Variants in RGS22 observed in about 807,000 individuals in gnomAD.
RGS22 encodes the protein regulator of G-protein signaling 22.
A neutral mutation model predicts 172.9 loss-of-function variants in RGS22; 148 were observed. That is an observed-to-expected ratio of 0.86 (90% CI 0.75 to 0.98). The LOEUF (loss-of-function observed/expected upper bound fraction) is 0.98, where lower values mean the gene tolerates loss of function less well. RGS22 is among the 50% of genes least tolerant of loss of function. The pLI, the probability that RGS22 is intolerant of heterozygous loss-of-function variation, is 0.00. For synonymous variants in RGS22, 458 were observed against 480.2 expected, an observed-to-expected ratio of 0.95 and a Z score of 0.60; for missense variants, 1,347 against 1,440.8, an observed-to-expected ratio of 0.93 and a Z score of 1.05.
chr8:100,101,431 C>T (rs1215509291), intron 2 of RGS22, among the ~76,000 whole-genome samples: 2 of 146,556 alleles, frequency 1.4e-5, no homozygotes, highest in African/African-American at 5.1e-5. Context: ...GGACTACAGG[C>T]ATGCCCAGCT....
intron 3 of RGS22, among the ~76,000 whole-genome samples, chr8:100,089,192 C>T (rs1053154223): frequency 8.1e-5 from 12 of 148,612 alleles, no homozygotes; most frequent in African/African-American, 2.8e-4. Flanking sequence ...TAGAGATACA[C>T]GAGATACACA....
rs143314176 is a variant in RGS22, at chr8:99,998,948, G to T, written c.2949+314C>A. On this transcript the variant is annotated intron_variant, in intron 19 of 27. Coordinates refer to ENST00000360863, the MANE Select transcript of RGS22 (RefSeq NM_015668.5). ...AAGGCAGGAGGACTGCTTGAGCCTA[G>T]GAGTTTGAGACCAGCCTGGGCACAT... is the stretch of plus-strand genomic sequence containing the variant. Among the ~76,000 whole-genome samples, 1,081 of 152,236 alleles carry T rather than the reference G, an allele frequency of 7.1e-3. 12 individuals carry two copies. The highest frequency in any genetic ancestry group is 0.025 in the African/African-American group (1,032 of 41,556).
chr8:99,976,487 A>G (rs796717844), intron 23 of RGS22, among the ~76,000 whole-genome samples: 14 of 151,912 alleles, frequency 9.2e-5, no homozygotes, highest in Non-Finnish European at 1.3e-4. Context: ...TCAGCCTCCC[A>G]AGTAGCTGGG....
At chr8:99,989,905 T>TAGATATAG (rs766945162) in intron 20 of RGS22, among the ~76,000 whole-genome samples, 15 of 144,460 alleles carry the variant, frequency 1.0e-4, no homozygotes, top group Admixed American at 1.4e-4. Context: ...GATAGATAGA[T>TAGATATAG]ATAGATAGAT....
At chr8:99,977,594 C>A (rs1209957949) in intron 23 of RGS22, among the ~76,000 whole-genome samples, 1 of 151,932 alleles carries the variant, frequency 6.6e-6, no homozygotes, top group East Asian at 1.9e-4. Context: ...GATCTTAGTC[C>A]AATGAAGATG....
intron 23 of RGS22, among the ~76,000 whole-genome samples, chr8:99,976,798 AAAAG>A (rs1432083756): frequency 6.6e-6 from 1 of 152,190 alleles, no homozygotes; most frequent in Admixed American, 6.6e-5. Context: ...TCTAATGGGA[AAAAG>A]AAAAATAAGG....
intron 14 of RGS22, among the ~76,000 whole-genome samples, chr8:100,030,348 T>C (rs1818656886): frequency 6.6e-6 from 1 of 152,248 alleles, no homozygotes; most frequent in South Asian, 2.1e-4. Flanking sequence ...TGCTACACTA[T>C]ATTTTTTATC....
At chr8:100,054,815 G>A (rs1319316594) in intron 9 of RGS22, among the ~76,000 whole-genome samples, 2 of 152,106 alleles carry the variant, frequency 1.3e-5, no homozygotes, top group African/African-American at 2.4e-5. Context: ...CAACCAGTAA[G>A]GGGGCATATC....
chr8:100,087,655 C>T (rs764296354), intron 3 of RGS22, among the ~76,000 whole-genome samples: 2 of 152,120 alleles, frequency 1.3e-5, no homozygotes, highest in African/African-American at 2.4e-5. Flanking sequence ...TTCATCTCTG[C>T]TCCAACTCTG....
At chr8:100,098,942 A>C (rs531021279) in intron 2 of RGS22, among the ~76,000 whole-genome samples, 1 of 142,952 alleles carries the variant, frequency 7.0e-6, no homozygotes, top group Non-Finnish European at 1.5e-5. Flanking sequence ...TTTTTAATGA[A>C]GTCTCGCTCT....
At chr8:100,046,112 AAAAC>A (rs1318934676) in intron 11 of RGS22, 1 of 152,148 alleles carries the variant, frequency 6.6e-6, no homozygotes, top group South Asian at 2.1e-4. Flanking sequence ...TTAAAATAAA[AAAAC>A]AAGGCACAAA....
At chr8:100,045,543 G>T (rs1452709925) in intron 11 of RGS22, among the ~76,000 whole-genome samples, 2 of 151,930 alleles carry the variant, frequency 1.3e-5, no homozygotes, top group Non-Finnish European at 2.9e-5. Context: ...GTTTAGAAAG[G>T]GTAATGCATA....
rs756020163 is a variant in RGS22, at chr8:100,047,476, C to T, written c.1810G>A (p.Val604Met). Reference protein sequence around the residue: ...LLYPGSSKDDVIEKGSKYMSE... With the variant: ...LLYPGSSKDDMIEKGSKYMSE... Reference sequence around the variant, plus strand: ...AGTTGCACCTACCCTTTCTCAATCACATCATCCTTAGAAGAACCTGGATAC... The same window carrying T: ...AGTTGCACCTACCCTTTCTCAATCATATCATCCTTAGAAGAACCTGGATAC... The change falls in exon 11 of 28, where the codon GTG becomes ATG. Residue 604 changes from valine (V) to methionine (M), a missense_variant. Transcript: ENST00000360863. The T allele has an allele frequency of 6.3e-7, 1 of 1,598,556 alleles. No individual in the cohort carries two copies. The highest frequency in any genetic ancestry group is 1.3e-5 in the African/African-American group (1 of 74,228).
At chr8:100,047,339 T>C (rs1006975823) in intron 11 of RGS22, 124 bp downstream of exon 11, 80 of 816,340 alleles carry the variant, frequency 9.8e-5, no homozygotes, top group African/African-American at 1.9e-4. Context: ...ATACATATCA[T>C]TGAAAATTAA....
intron 14 of RGS22, among the ~76,000 whole-genome samples, chr8:100,031,518 T>A (rs1374551153): frequency 2.0e-5 from 3 of 152,132 alleles, no homozygotes; most frequent in Admixed American, 6.6e-5. Context: ...TCCATATAAT[T>A]CTCCTAGACT....
At position 100,103,272 on chromosome 8, in the gene RGS22, G is replaced by A. The variant is rs555455748; in HGVS notation, c.54+2102C>T. On this transcript the variant is annotated intron_variant, in intron 2 of 27. Transcript: ENST00000360863. ...GGAGTTGGCAGAAGGAATATTGGAG[G>A]CAATGGTATCAGTTAGGATTACTAC... is the stretch of plus-strand genomic sequence containing the variant. Among the ~76,000 whole-genome samples, 5 of 152,316 alleles carry A rather than the reference G, an allele frequency of 3.3e-5. No individual in the cohort carries two copies. The South Asian group carries it at 1.0e-3, about 32-fold the overall frequency.
chr8:100,078,138 C>T (rs3116090), intron 4 of RGS22, among the ~76,000 whole-genome samples: 2,007 of 152,168 alleles, frequency 0.013, 57 homozygotes, highest in East Asian at 0.1. Context: ...TTCTTGTAGA[C>T]AGCAAATAAT....
rs758619501 is a variant in RGS22, at chr8:100,003,972, G to C, written c.2581C>G (p.Leu861Val). 29 of 1,610,708 alleles carry C rather than the reference G, an allele frequency of 1.8e-5. No individual in the cohort carries two copies. Among genetic ancestry groups the C allele is most frequent in the Non-Finnish European group, 2.4e-5 (28 of 1,178,126 alleles). ...FKFSDLLNNK[L>V]EFEHFRQFLE... ...AACTGACGGAAATGTTCAAACTCCAGTTTGTTGTTAAGCAGATCACTAAAC... is the reference window on the plus strand; with the variant it reads ...AACTGACGGAAATGTTCAAACTCCACTTTGTTGTTAAGCAGATCACTAAAC... The change falls in exon 17 of 28, where the codon CTG becomes GTG. Residue 861 changes from leucine to valine, a missense_variant. Physicochemically the swap from Leu to Val is conservative, Grantham distance 32. Coordinates refer to ENST00000360863, the MANE Select transcript of RGS22 (RefSeq NM_015668.5).
chr8:99,982,037 C>A lies in RGS22; in HGVS notation c.3260G>T (p.Ser1087Ile). 1 of 1,613,826 alleles carries A rather than the reference C, an allele frequency of 6.2e-7. No individual in the cohort carries two copies. Among genetic ancestry groups the A allele is most frequent in the African/African-American group, 1.3e-5 (1 of 74,996 alleles). ...GTCAATTTGTAAAGCTGGTGGAATA[C>A]TGGAATTAATAAAGCAGTTGATAAT... ...TTIINCFINS[S>I]IPPALQIDIP... Residue 1087 changes from serine to isoleucine, a missense_variant, in exon 22 of 28, where the codon AGT becomes ATT. Physicochemically the swap from Ser to Ile is moderately radical, Grantham distance 142 (BLOSUM62 -2). Transcript: ENST00000360863.
Sources: allele counts gnomAD v4.1 joint callset (sites outside exome capture counted in the v4.1 genomes callset), GRCh38; gene constraint gnomAD v4.1.1; transcripts MANE v1.5; gene names NCBI Gene and HGNC (gene_info 2026-07-23, HGNC 2026-07-21).